DISP1: variants seen among roughly 807,000 people sequenced by gnomAD.
DISP1 encodes protein dispatched homolog 1.
In DISP1, 30 loss-of-function variants were observed where a neutral mutation model predicts 37.3. The ratio of observed to expected loss-of-function variants is 0.80; its 90% CI spans 0.60 to 1.09. The LOEUF (loss-of-function observed/expected upper bound fraction) is 1.09. Ranked by LOEUF, DISP1 falls within the 50% of genes least tolerant of loss-of-function variation. The pLI is 0.00. For synonymous variants in DISP1, 634 were observed against 690.2 expected, an observed-to-expected ratio of 0.92 and a Z score of 1.28; for missense variants, 1,598 against 1,879.5, an observed-to-expected ratio of 0.85 and a Z score of 2.77.
chr1:222,952,263 C>T (rs953596327), intron 3 of DISP1, among the ~76,000 whole-genome samples: 1 of 152,122 alleles, frequency 6.6e-6, no homozygotes, highest in Admixed American at 6.5e-5. Flanking sequence ...AATTTCAGTA[C>T]TCAGTAGCCA....
At chr1:222,928,199 C>G (rs2125452238) in intron 1 of DISP1, among the ~76,000 whole-genome samples, 1 of 152,318 alleles carries the variant, frequency 6.6e-6, no homozygotes, top group Middle Eastern at 3.4e-3. Context: ...CATGCAGTTT[C>G]CCTGTGGAAG....
In DISP1 at chr1:222,991,552, G is replaced by A; in HGVS notation, c.696G>A (p.Gln232=). The stretch of plus-strand genomic sequence containing the variant: ...AACCAAGAGGAACAGCAATAGGCCA[G>A]AGATTGGTCACATGGAATAATATGG... ...GFEPRGTAIG[Q]RLVTWNNMVK... is the part of the protein sequence containing the mutation. The change falls in exon 6 of 9, where the codon CAG becomes CAA. Residue 232 remains glutamine, a synonymous_variant. Transcript: ENST00000675850. 1 of 1,613,894 alleles carries A rather than the reference G, an allele frequency of 6.2e-7. No individual in the cohort carries two copies. Among genetic ancestry groups the A allele is most frequent in the Non-Finnish European group, 8.5e-7 (1 of 1,179,866 alleles).
At chr1:222,852,979 C>A (rs1479188129) in intron 1 of DISP1, among the ~76,000 whole-genome samples, 1 of 152,104 alleles carries the variant, frequency 6.6e-6, no homozygotes, top group Admixed American at 6.6e-5. Context: ...CAAATGTATT[C>A]ATATACAAAT....
chr1:222,901,919 G>A (rs1458598117), intron 1 of DISP1, among the ~76,000 whole-genome samples: 1 of 152,176 alleles, frequency 6.6e-6, no homozygotes, highest in Non-Finnish European at 1.5e-5. Context: ...GAATCAAAAG[G>A]AGCAAAGAAA....
chr1:222,821,810 C>T (rs1197867187), intron 1 of DISP1, among the ~76,000 whole-genome samples: 4 of 143,674 alleles, frequency 2.8e-5, no homozygotes, highest in Admixed American at 2.2e-4. Flanking sequence ...ACTTGGGAGG[C>T]GGAGCCTGCA....
At chr1:222,981,082 C>CA (rs1356409999) in intron 3 of DISP1, among the ~76,000 whole-genome samples, 2 of 152,200 alleles carry the variant, frequency 1.3e-5, no homozygotes, top group Non-Finnish European at 2.9e-5. Context: ...TGTCTCAGAA[C>CA]AAAAAATGAC....
chr1:222,929,573 G>C lies in DISP1; in HGVS notation c.-18+1003G>C, dbSNP rs868498196. ...TTTTACTCACAAGAAGGTTATTTTA[G>C]ATCATAATATTTATAATTAAGAAAA... On this transcript the variant is annotated intron_variant, in intron 2 of 8. Transcript: ENST00000675850. Among the ~76,000 whole-genome samples, 12 of 152,158 alleles carry C rather than the reference G, an allele frequency of 7.9e-5. No homozygotes were observed. The East Asian group carries it at 2.3e-3, about 29-fold the overall frequency.
rs781106103 is a variant in DISP1, at chr1:223,003,246, GC to G, written c.1850del (p.Ala617ValfsTer27). The G allele has an allele frequency of 6.2e-7, 1 of 1,614,128 alleles. No homozygotes were observed. Among genetic ancestry groups the G allele is most frequent in the Non-Finnish European group, 8.5e-7 (1 of 1,180,046 alleles). ...SMFVTSFTTAAAFYANYVSNI... is the reference protein window; with the variant it reads ...SMFVTSFTTAXAFYANYVSNI... Reference sequence around the variant, plus strand: ...GTTCGTCACCAGTTTTACCACTGCTGCTGCCTTTTATGCTAACTATGTTAGC... The same window carrying G: ...GTTCGTCACCAGTTTTACCACTGCTGTGCCTTTTATGCTAACTATGTTAGC... On this transcript the variant is annotated frameshift_variant, in exon 9 of 9. Transcript: ENST00000675850. LOFTEE classifies it low-confidence loss of function (END_TRUNC). The surrounding 1 kb of genome is among the most constrained non-coding windows in gnomAD (Gnocchi z 4.3).
chr1:222,845,321 G>T (rs142383072), intron 1 of DISP1, among the ~76,000 whole-genome samples: 4 of 152,264 alleles, frequency 2.6e-5, no homozygotes, highest in Admixed American at 6.5e-5. Flanking sequence ...GTGAAAAAAA[G>T]AAGTGGAAGA....
intron 3 of DISP1, among the ~76,000 whole-genome samples, chr1:222,945,260 C>T (rs1674689097): frequency 6.6e-6 from 1 of 152,114 alleles, no homozygotes; most frequent in South Asian, 2.1e-4. Flanking sequence ...TAATTATAGG[C>T]TATGATAAGA....
chr1:222,926,260 T>A (rs983173369), intron 1 of DISP1, among the ~76,000 whole-genome samples: 1 of 152,240 alleles, frequency 6.6e-6, no homozygotes, highest in Non-Finnish European at 1.5e-5. Context: ...TGCTTCATTA[T>A]TTTTATGGCT....
intron 1 of DISP1, among the ~76,000 whole-genome samples, chr1:222,835,690 G>A (rs1322165166): frequency 3.3e-5 from 5 of 152,120 alleles, no homozygotes; most frequent in Admixed American, 1.3e-4. Context: ...GGTGGCTCAC[G>A]CCTGTAATCC....
chr1:222,819,658 G>GCCTC (rs1270060241), intron 1 of DISP1, among the ~76,000 whole-genome samples: 1 of 150,640 alleles, frequency 6.6e-6, no homozygotes, highest in Non-Finnish European at 1.5e-5. Flanking sequence ...TCCTGCCTCA[G>GCCTC]CCTCCCAGAG....
At chr1:222,852,110 G>A (rs1057319568) in intron 1 of DISP1, among the ~76,000 whole-genome samples, 72 of 152,056 alleles carry the variant, frequency 4.7e-4, no homozygotes, top group Admixed American at 1.6e-3. Flanking sequence ...CTTGAACTTG[G>A]GAGGGAGAGG....
At chr1:222,975,968 T>C (rs946507) in intron 3 of DISP1, among the ~76,000 whole-genome samples, 148,721 of 152,248 alleles carry the variant, frequency 0.98, 72,738 homozygotes, top group East Asian at 1. Context: ...TTATCTACAC[T>C]ACAGCCTGCG....
intron 1 of DISP1, among the ~76,000 whole-genome samples, chr1:222,925,712 C>G (rs1019636749): frequency 7.2e-5 from 11 of 152,068 alleles, no homozygotes; most frequent in Admixed American, 6.6e-4. Context: ...AAATGTGGGT[C>G]CCAGAACAGC....
intron 2 of DISP1, among the ~76,000 whole-genome samples, chr1:222,939,355 ATTTT>A (rs35313341): frequency 0.12 from 13,275 of 112,768 alleles, 905 homozygotes; most frequent in South Asian, 0.17. Flanking sequence ...AAGAAAAATA[ATTTT>A]TTTTTTTTTT....
chr1:222,883,781 C>T (rs776566185), intron 1 of DISP1, among the ~76,000 whole-genome samples: 83 of 152,100 alleles, frequency 5.5e-4, no homozygotes, highest in African/African-American at 1.6e-3. Context: ...TGGAAGTGTA[C>T]GCTGTGTAGT....
At chr1:222,824,228 C>T (rs1663708973) in intron 1 of DISP1, among the ~76,000 whole-genome samples, 1 of 152,114 alleles carries the variant, frequency 6.6e-6, no homozygotes, top group Non-Finnish European at 1.5e-5. Context: ...ATGTGTCCTA[C>T]TTGTTGAAAA....
Sources: gnomAD v4.1 joint callset for allele counts (sites outside exome capture counted in the v4.1 genomes callset) on GRCh38, gnomAD v4.1.1 for gene constraint, Gnocchi (gnomAD v3.1) non-coding constraint, MANE v1.5 for transcripts, NCBI Gene and HGNC (gene_info 2026-07-23, HGNC 2026-07-21) for gene names.